The following GRIK1 variants were observed in gnomAD, a reference collection of about 807,000 sequenced individuals.
GRIK1 encodes glutamate receptor ionotropic, kainate 1.
A neutral mutation model predicts 105.7 loss-of-function variants in GRIK1; 69 were observed. The ratio of observed to expected loss-of-function variants is 0.65; its 90% CI spans 0.54 to 0.80. The LOEUF (loss-of-function observed/expected upper bound fraction) is 0.80, where lower values mean the gene tolerates loss of function less well. Ranked by LOEUF, GRIK1 falls within the 30% of genes least tolerant of loss-of-function variation. The pLI is 0.00. For missense variants in GRIK1, 1,109 were observed against 1,167.3 expected (o/e 0.95, Z 0.73); for synonymous variants, 438 against 431.3 (o/e 1.02, Z -0.19).
At chr21:29,658,074 CG>C (rs897568639) in intron 4 of GRIK1, among the ~76,000 whole-genome samples, 2 of 151,878 alleles carry the variant, frequency 1.3e-5, no homozygotes, top group African/African-American at 4.8e-5. Context: ...TTTATTAGGG[CG>C]GTATTGCTAG....
At chr21:29,852,911 T>C (rs1387450398) in intron 1 of GRIK1, among the ~76,000 whole-genome samples, 2 of 152,326 alleles carry the variant, frequency 1.3e-5, no homozygotes, top group East Asian at 3.9e-4. Flanking sequence ...ATCAATAAAC[T>C]ATGTAGAGTG....
At chr21:29,857,265 C>T (rs1030714800) in intron 1 of GRIK1, among the ~76,000 whole-genome samples, 6 of 152,104 alleles carry the variant, frequency 3.9e-5, no homozygotes, top group African/African-American at 9.7e-5. Context: ...ATGAGCAAAG[C>T]GGTAAGTGGC....
intron 4 of GRIK1, among the ~76,000 whole-genome samples, chr21:29,659,485 T>C (rs1169842094): frequency 1.3e-5 from 2 of 152,194 alleles, no homozygotes; most frequent in East Asian, 3.8e-4. Context: ...TTCCATTCCA[T>C]CTAGATAACA....
intron 1 of GRIK1, among the ~76,000 whole-genome samples, chr21:29,824,935 T>G (rs2067409823): frequency 6.6e-6 from 1 of 151,970 alleles, no homozygotes; most frequent in Admixed American, 6.6e-5. Flanking sequence ...TGATGGTGAC[T>G]TGAGTGATGT....
chr21:29,720,277 A>G (rs2064287399), intron 1 of GRIK1, among the ~76,000 whole-genome samples: 1 of 152,120 alleles, frequency 6.6e-6, no homozygotes, highest in African/African-American at 2.4e-5. Flanking sequence ...GACTTACTTT[A>G]TTCTATGCTG....
chr21:29,754,070 A>G (rs1479785539), intron 1 of GRIK1, among the ~76,000 whole-genome samples: 1 of 152,150 alleles, frequency 6.6e-6, no homozygotes, highest in African/African-American at 2.4e-5. Flanking sequence ...GGGTGTTTGA[A>G]ACTTGGCTTT....
Position 29,757,382 on chromosome 21 carries a change from G to C in GRIK1, c.119-63319C>G, listed in dbSNP as rs865963430. Among the ~76,000 whole-genome samples the C allele has an allele frequency of 3.6e-4, 55 of 152,268 alleles. No individual in the cohort carries two copies. The Middle Eastern group carries it at 0.02, about 57-fold the overall frequency. Reference sequence around the variant, plus strand: ...ACAGCATACATATTTCTCACATAGTGCTAATATTATAATGGCCAACCTCCA... The same window carrying C: ...ACAGCATACATATTTCTCACATAGTCCTAATATTATAATGGCCAACCTCCA... On this transcript the variant is annotated intron_variant, in intron 1 of 17. Transcript: ENST00000327783.
Position 29,555,177 on chromosome 21 carries a change from T to G in GRIK1, c.2482A>C (p.Ser828Arg). The change falls in exon 16 of 18, where the codon AGT becomes CGT. Residue 828 changes from serine (S) to arginine (R), a missense_variant. Around this residue, in one of 5 missense-constraint regions of GRIK1, gnomAD observed 161 missense variants for 143.4 expected, o/e 1.12. Transcript: ENST00000327783. ...CCAATATTTTCCACTCCCAGGGCACTGGCTTCTTTGTTGTCTTCCTCGGGG... is the reference window on the plus strand; with the variant it reads ...CCAATATTTTCCACTCCCAGGGCACGGGCTTCTTTGTTGTCTTCCTCGGGG... ...GCPEEDNKEA[S>R]ALGVENIGGI... The G allele has an allele frequency of 6.2e-7, 1 of 1,614,034 alleles. No homozygotes were observed. The highest frequency in any genetic ancestry group is 8.5e-7 in the Non-Finnish European group (1 of 1,179,926).
At chr21:29,902,392 A>G (rs2070443195) in intron 1 of GRIK1, among the ~76,000 whole-genome samples, 2 of 152,242 alleles carry the variant, frequency 1.3e-5, no homozygotes, top group South Asian at 4.1e-4. Context: ...TTATATTTAG[A>G]AAACCCCATC....
intron 1 of GRIK1, among the ~76,000 whole-genome samples, chr21:29,928,464 G>A (rs182290322): frequency 2.6e-3 from 392 of 152,336 alleles, no homozygotes; most frequent in African/African-American, 9.0e-3. Context: ...CCACAGGCAG[G>A]TGGGTCTCTG....
intron 1 of GRIK1, among the ~76,000 whole-genome samples, chr21:29,786,278 C>T (rs1388799610): frequency 2.0e-5 from 3 of 152,202 alleles, no homozygotes; most frequent in Admixed American, 6.5e-5. Flanking sequence ...TGAGCCACAG[C>T]GCCCAGCCTC....
At chr21:29,899,955 C>G (rs1174767236) in intron 1 of GRIK1, among the ~76,000 whole-genome samples, 1 of 152,008 alleles carries the variant, frequency 6.6e-6, no homozygotes, top group Non-Finnish European at 1.5e-5. Context: ...TAACTACCTT[C>G]TATGTATTAA....
intron 1 of GRIK1, chr21:29,761,449 A>G (rs2065516161): frequency 1.3e-5 from 2 of 152,254 alleles, no homozygotes; most frequent in Admixed American, 1.3e-4. Flanking sequence ...CATTTAGCTT[A>G]AGTAGAAATC....
At chr21:29,925,965 T>C (rs1348482263) in intron 1 of GRIK1, among the ~76,000 whole-genome samples, 4 of 152,242 alleles carry the variant, frequency 2.6e-5, no homozygotes, top group African/African-American at 7.2e-5. Flanking sequence ...CTAATTATTC[T>C]AAATTGTTAA....
At chr21:29,742,052 G>A (rs918698440) in intron 1 of GRIK1, among the ~76,000 whole-genome samples, 1 of 152,116 alleles carries the variant, frequency 6.6e-6, no homozygotes, top group Non-Finnish European at 1.5e-5. Flanking sequence ...TTTTGTCAAG[G>A]AAAGACTCTT....
At chr21:29,819,905 C>T (rs1201665695) in intron 1 of GRIK1, among the ~76,000 whole-genome samples, 8 of 152,064 alleles carry the variant, frequency 5.3e-5, no homozygotes, top group Non-Finnish European at 1.2e-4. Flanking sequence ...AACTGGATTG[C>T]TGATCTTTGT....
intron 7 of GRIK1, among the ~76,000 whole-genome samples, chr21:29,627,436 A>C (rs114838080): frequency 2.1e-3 from 313 of 152,330 alleles, no homozygotes; most frequent in African/African-American, 7.2e-3. Context: ...TTCTGCTGGC[A>C]ATGACACTGA....
At chr21:29,720,495 A>G (rs1030635902) in intron 1 of GRIK1, among the ~76,000 whole-genome samples, 9 of 149,928 alleles carry the variant, frequency 6.0e-5, no homozygotes, top group Admixed American at 2.0e-4. Context: ...GTGTGTGTAT[A>G]TGTGTGTGTG....
At chr21:29,558,360 A>G (rs200473970) in intron 15 of GRIK1, among the ~76,000 whole-genome samples, 2 of 106,868 alleles carry the variant, frequency 1.9e-5, no homozygotes, top group Non-Finnish European at 3.9e-5. Context: ...ATATATATAT[A>G]TTTCATATAT....
Sources: gnomAD v4.1 joint callset for allele counts (sites outside exome capture counted in the v4.1 genomes callset) on GRCh38, gnomAD v4.1.1 for gene constraint, gnomAD v4.1.1 regional missense constraint, MANE v1.5 for transcripts, NCBI Gene and HGNC (gene_info 2026-07-23, HGNC 2026-07-21) for gene names.